Variants in CEP83 observed in about 807,000 individuals in gnomAD.
CEP83 encodes the protein centrosomal protein 83.
Under a neutral mutation model 101.9 loss-of-function variants are expected in CEP83, and 70 were observed. That is an observed-to-expected ratio of 0.69 (90% CI 0.57 to 0.84). CEP83 has a LOEUF of 0.84. Ranked by LOEUF, CEP83 falls within the 40% of genes least tolerant of loss-of-function variation. The pLI is 0.00. For synonymous variants in CEP83, 264 were observed against 267.9 expected (o/e 0.99, Z 0.14); for missense variants, 715 against 787.2 (o/e 0.91, Z 1.10).
chr12:94,282,713 C>T, the CEP83 span: 1 of 217,816 alleles, frequency 4.6e-6, no homozygotes, highest in East Asian at 1.0e-4. Context: ...ATCCTTTAGC[C>T]TTCACTGGGT....
intron 6 of CEP83, among the ~76,000 whole-genome samples, chr12:94,380,586 A>C (rs1593558062): frequency 6.6e-6 from 1 of 152,122 alleles, no homozygotes; most frequent in African/African-American, 2.4e-5. Context: ...GATCTTTAAG[A>C]TACTGTTTAC....
intron 1 of CEP83, among the ~76,000 whole-genome samples, chr12:94,443,639 T>G (rs1198043188): frequency 1.3e-5 from 2 of 151,966 alleles, no homozygotes; most frequent in Non-Finnish European, 1.5e-5. Flanking sequence ...ATTACAGGCA[T>G]GCACCACGCC....
rs2067998038 is a variant in CEP83, at chr12:94,459,655, A to G, written c.-253T>C. The G allele has an allele frequency of 6.5e-6, 1 of 152,780 alleles. No individual in the cohort carries two copies. The highest frequency in any genetic ancestry group is 2.4e-5 in the African/African-American group (1 of 41,462). The allele number at this position is 152,780 out of a possible 1,614,324, so 9.5% of individuals were successfully genotyped here. A position where few individuals can be genotyped will look rare whatever the true frequency, so the allele number is the denominator to read the frequency against. On this transcript the variant is annotated 5_prime_UTR_variant, in exon 1 of 17. Transcript: ENST00000397809. ...CGGGGACACCTCCACAGCTCCAACC[A>G]CAGGCACCCACTCAACTCCGCTTAC...
At chr12:94,273,234 A>C in the CEP83 span, among the ~76,000 whole-genome samples, 11 of 152,182 alleles carry the variant, frequency 7.2e-5, no homozygotes, top group East Asian at 2.1e-3. Context: ...TTTCTTTACC[A>C]TATTTTTTTC....
chr12:94,376,056 T>G, intron 7 of CEP83, 39 bp from the exon 8 acceptor site: 3 of 1,293,082 alleles, frequency 2.3e-6, no homozygotes, highest in Non-Finnish European at 3.1e-6. Context: ...TCATCATTTT[T>G]CAAGTATTTC....
intron 6 of CEP83, among the ~76,000 whole-genome samples, chr12:94,382,418 G>A (rs528716196): frequency 6.6e-6 from 1 of 151,114 alleles, no homozygotes; most frequent in Non-Finnish European, 1.5e-5. Flanking sequence ...AGGTTCTTGA[G>A]GTGGGAGCTT....
chr12:94,432,420 A>C (rs945306305), intron 2 of CEP83, among the ~76,000 whole-genome samples: 2 of 152,118 alleles, frequency 1.3e-5, no homozygotes, highest in Non-Finnish European at 2.9e-5. Flanking sequence ...CAGCTATGAG[A>C]AAGAATGAAA....
chr12:94,455,315 G>C (rs567850252), intron 1 of CEP83, among the ~76,000 whole-genome samples: 12 of 152,302 alleles, frequency 7.9e-5, no homozygotes, highest in African/African-American at 2.6e-4. Context: ...ATCAGAGATA[G>C]GCAATGCAAC....
intron 2 of CEP83, among the ~76,000 whole-genome samples, chr12:94,427,195 A>G (rs2065267448): frequency 6.6e-6 from 1 of 152,244 alleles, no homozygotes; most frequent in African/African-American, 2.4e-5. Context: ...AGACACTTAC[A>G]CATACATTAG....
intron 6 of CEP83, among the ~76,000 whole-genome samples, chr12:94,385,692 G>A (rs1398394467): frequency 6.6e-6 from 1 of 152,086 alleles, no homozygotes; most frequent in Non-Finnish European, 1.5e-5. Flanking sequence ...CAGACATTGT[G>A]AATTTAATGT....
chr12:94,326,669 T>C (rs1324651105), intron 14 of CEP83, among the ~76,000 whole-genome samples: 2 of 152,186 alleles, frequency 1.3e-5, no homozygotes, highest in Non-Finnish European at 2.9e-5. Flanking sequence ...CCACTATGAC[T>C]GGTGTCCTTA....
chr12:94,415,526 T>C (rs925827703), intron 2 of CEP83, among the ~76,000 whole-genome samples: 13 of 152,064 alleles, frequency 8.5e-5, no homozygotes, highest in African/African-American at 2.9e-4. Context: ...TAAAACAAGA[T>C]TTTCTTATTG....
chr12:94,333,469 G>C lies in CEP83; in HGVS notation c.1577+13C>G. 1.2e-6 allele frequency: 2 copies of C among 1,609,208 alleles called. No individual in the cohort carries two copies. The highest frequency in any genetic ancestry group is 1.7e-6 in the Non-Finnish European group (2 of 1,178,218). ...AAAGAAAAAATAGTTTGTACATAAA[G>C]AGCAAACTCTACTTTTCAGCTTCTA... On this transcript the variant is annotated intron_variant, in intron 13 of 16. Coordinates refer to ENST00000397809, the MANE Select transcript of CEP83 (RefSeq NM_016122.3).
chr12:94,367,117 A>G (rs997570325), intron 11 of CEP83, among the ~76,000 whole-genome samples: 6 of 152,180 alleles, frequency 3.9e-5, no homozygotes, highest in Non-Finnish European at 5.9e-5. Context: ...TGCTAGAGTT[A>G]TAACTGTTTC....
At chr12:94,293,295 C>T in the CEP83 span, among the ~76,000 whole-genome samples, 1 of 152,164 alleles carries the variant, frequency 6.6e-6, no homozygotes, top group Non-Finnish European at 1.5e-5. Flanking sequence ...AGGATTTATA[C>T]TTATTTCTGT....
At chr12:94,293,135 T>C in the CEP83 span, among the ~76,000 whole-genome samples, 4 of 152,230 alleles carry the variant, frequency 2.6e-5, no homozygotes, top group East Asian at 1.9e-4. Context: ...AACATTATGA[T>C]TGTAAGATTT....
chr12:94,323,901 T>C (rs759347668), intron 14 of CEP83, among the ~76,000 whole-genome samples: 24 of 152,230 alleles, frequency 1.6e-4, no homozygotes, highest in African/African-American at 7.2e-5. Context: ...CATGAATGGG[T>C]ACTGAATGTT....
At chr12:94,418,483 G>A (rs1026398828) in intron 2 of CEP83, among the ~76,000 whole-genome samples, 3 of 152,244 alleles carry the variant, frequency 2.0e-5, no homozygotes, top group South Asian at 2.1e-4. Context: ...GAAATTACTC[G>A]GCTGAACAAT....
At chr12:94,284,554 C>T in the CEP83 span, among the ~76,000 whole-genome samples, 1 of 152,020 alleles carries the variant, frequency 6.6e-6, no homozygotes, top group East Asian at 1.9e-4. Flanking sequence ...TTTGCAATGG[C>T]GATTTCAGTA....
Sources: allele counts gnomAD v4.1 joint callset (sites outside exome capture counted in the v4.1 genomes callset), GRCh38; gene constraint gnomAD v4.1.1; transcripts MANE v1.5; gene names NCBI Gene and HGNC (gene_info 2026-07-23, HGNC 2026-07-21).